RIMBP2: variants seen among roughly 807,000 people sequenced by gnomAD.
RIMBP2 encodes the protein RIMS binding protein 2.
Under a neutral mutation model 118.6 loss-of-function variants are expected in RIMBP2, and 48 were observed. The observed-to-expected ratio is 0.40, with a 90% confidence interval of 0.32 to 0.51. The LOEUF (loss-of-function observed/expected upper bound fraction) is 0.51, where lower values mean the gene tolerates loss of function less well. Among genes scored for constraint, RIMBP2 ranks in the 20% least tolerant of loss-of-function variants. The probability of loss-of-function intolerance (pLI) is 0.41; values close to 1 mark genes in which losing one functional copy is unlikely to be tolerated. For synonymous variants in RIMBP2, 762 were observed against 742.9 expected, an observed-to-expected ratio of 1.03 and a Z score of -0.42; for missense variants, 1,551 against 1,768.3, an observed-to-expected ratio of 0.88 and a Z score of 2.20.
At chr12:130,701,967 C>A (rs748645260) in intron 1 of RIMBP2, among the ~76,000 whole-genome samples, 1 of 152,032 alleles carries the variant, frequency 6.6e-6, no homozygotes, top group East Asian at 1.9e-4. Flanking sequence ...AGGCACAAGG[C>A]CCACCAAAAC....
chr12:130,548,210 G>T (rs905981143), intron 2 of RIMBP2, among the ~76,000 whole-genome samples: 1 of 152,174 alleles, frequency 6.6e-6, no homozygotes, highest in Non-Finnish European at 1.5e-5. Context: ...GAACAAGGGT[G>T]ACAGGCATGA....
chr12:130,529,027 C>T (rs369655025), intron 2 of RIMBP2, among the ~76,000 whole-genome samples: 63 of 152,264 alleles, frequency 4.1e-4, no homozygotes, highest in African/African-American at 1.2e-3. Context: ...TTCATAATAA[C>T]CAAAATTCAG....
At chr12:130,399,206 A>AAATAT in intron 22 of RIMBP2, 1 of 1,125,620 alleles carries the variant, frequency 8.9e-7, no homozygotes, top group Non-Finnish European at 1.2e-6. Flanking sequence ...ATATATATAA[A>AAATAT]AATATAATAT....
chr12:130,522,027 T>C (rs11060969), intron 2 of RIMBP2, among the ~76,000 whole-genome samples: 15,882 of 152,174 alleles, frequency 0.1, 912 homozygotes, highest in Admixed American at 0.17. Context: ...GGAAGGGCAC[T>C]TCCTTACCTC....
At chr12:130,515,203 T>C (rs1328247523) in intron 3 of RIMBP2, among the ~76,000 whole-genome samples, 1 of 152,192 alleles carries the variant, frequency 6.6e-6, no homozygotes, top group Non-Finnish European at 1.5e-5. Context: ...AGAAAAATTA[T>C]GATAAAATAC....
chr12:130,494,672 G>A (rs2138527128), intron 4 of RIMBP2, among the ~76,000 whole-genome samples: 1 of 148,280 alleles, frequency 6.7e-6, no homozygotes, highest in Non-Finnish European at 1.5e-5. Flanking sequence ...AAAAGAAAGA[G>A]CAAAGTAGGA....
At position 130,447,720 on chromosome 12, in the gene RIMBP2, T is replaced by C. The variant is rs2078655145; in HGVS notation, c.582-2451A>G. 6.6e-6 allele frequency among the ~76,000 whole-genome samples: 1 copy of C among 152,106 alleles called. No individual in the cohort carries two copies. Among genetic ancestry groups the C allele is most frequent in the Non-Finnish European group, 1.5e-5 (1 of 68,014 alleles). Reference sequence around the variant, plus strand: ...GCGAAAGGAAGGATGGTGATGAATGTGTCAGCCTCACCCTGGACCTCGGGT... The same window carrying C: ...GCGAAAGGAAGGATGGTGATGAATGCGTCAGCCTCACCCTGGACCTCGGGT... On this transcript the variant is annotated intron_variant, in intron 9 of 22. Transcript: ENST00000690449. This position sits in a 1 kb window ranked among gnomAD's most constrained non-coding sequence, Gnocchi z 4.4.
intron 5 of RIMBP2, among the ~76,000 whole-genome samples, chr12:130,476,294 G>C (rs2081420442): frequency 6.6e-6 from 1 of 152,184 alleles, no homozygotes; most frequent in African/African-American, 2.4e-5. Flanking sequence ...GAAAGAGCTG[G>C]GGTTGCAGAA....
intron 6 of RIMBP2, among the ~76,000 whole-genome samples, chr12:130,464,226 C>T (rs903058590): frequency 6.6e-6 from 1 of 152,256 alleles, no homozygotes; most frequent in Non-Finnish European, 1.5e-5. Flanking sequence ...TCGCCTTCCT[C>T]TACGGACTCA....
intron 1 of RIMBP2, chr12:130,668,661 C>G (rs74620939): frequency 6.6e-6 from 1 of 152,338 alleles, no homozygotes; most frequent in Admixed American, 6.5e-5. Flanking sequence ...GCTCTTTACA[C>G]CACCTGCCCA....
chr12:130,566,174 T>C (rs927323958), intron 2 of RIMBP2, among the ~76,000 whole-genome samples: 2 of 142,946 alleles, frequency 1.4e-5, no homozygotes, highest in Admixed American at 6.9e-5. Flanking sequence ...TATACACACA[T>C]GCACACACAC....
chr12:130,569,012 C>G (rs1003223061), intron 2 of RIMBP2, among the ~76,000 whole-genome samples: 1 of 149,466 alleles, frequency 6.7e-6, no homozygotes, highest in Non-Finnish European at 1.5e-5. Context: ...GCCTTGGAGA[C>G]CCCCCACCGA....
intron 1 of RIMBP2, chr12:130,668,206 T>C (rs1348611474): frequency 6.6e-6 from 1 of 152,098 alleles, no homozygotes; most frequent in East Asian, 1.9e-4. Flanking sequence ...ACAATTGCAT[T>C]GAGAGCAAGT....
chr12:130,471,413 G>A (rs1403617642), intron 5 of RIMBP2, among the ~76,000 whole-genome samples: 1 of 152,220 alleles, frequency 6.6e-6, no homozygotes, highest in Non-Finnish European at 1.5e-5. Context: ...CACAGGCCCG[G>A]AAGTCCCAGC....
intron 11 of RIMBP2, among the ~76,000 whole-genome samples, chr12:130,439,496 T>C (rs940174526): frequency 6.7e-6 from 1 of 148,856 alleles, no homozygotes; most frequent in Non-Finnish European, 1.5e-5. Flanking sequence ...TATGTGTGTG[T>C]GCGTGTCTGT....
At chr12:130,652,318 T>C (rs2063261662) in intron 1 of RIMBP2, among the ~76,000 whole-genome samples, 1 of 152,218 alleles carries the variant, frequency 6.6e-6, no homozygotes, top group African/African-American at 2.4e-5. Context: ...GGCAGCAAAG[T>C]TTAGTTGTTG....
chr12:130,457,908 G>A (rs2079589324), intron 6 of RIMBP2, among the ~76,000 whole-genome samples: 1 of 150,976 alleles, frequency 6.6e-6, no homozygotes, highest in African/African-American at 2.4e-5. Context: ...CTTTAGGATG[G>A]CCGGGAACAT....
chr12:130,485,949 C>T (rs1236691188), intron 4 of RIMBP2, among the ~76,000 whole-genome samples: 1 of 152,178 alleles, frequency 6.6e-6, no homozygotes, highest in African/African-American at 2.4e-5. Flanking sequence ...GCACTCGGCC[C>T]TCGAAGACAG....
intron 4 of RIMBP2, among the ~76,000 whole-genome samples, chr12:130,490,557 A>G (rs1018693076): frequency 2.6e-5 from 4 of 152,296 alleles, no homozygotes; most frequent in South Asian, 2.1e-4. Context: ...GATGGGGGTG[A>G]AGATAGAGGT....
Sources: allele counts gnomAD v4.1 joint callset (sites outside exome capture counted in the v4.1 genomes callset), GRCh38; gene constraint gnomAD v4.1.1; non-coding constraint Gnocchi (gnomAD v3.1); transcripts MANE v1.5; gene names NCBI Gene and HGNC (gene_info 2026-07-23, HGNC 2026-07-21).